Variants in PPP2R2B observed in about 807,000 individuals in gnomAD.
The protein encoded by PPP2R2B is protein phosphatase 2 regulatory subunit Bbeta.
In PPP2R2B, 5 loss-of-function variants were observed where a neutral mutation model predicts 46.0. That is an observed-to-expected ratio of 0.11 (90% confidence interval 0.06 to 0.23). The LOEUF is 0.23. Among genes scored for constraint, PPP2R2B ranks in the 10% least tolerant of loss-of-function variants. The pLI is 1.00. For missense variants in PPP2R2B, 367 were observed against 575.0 expected, an observed-to-expected ratio of 0.64 and a Z score of 3.70; for synonymous variants, 215 against 206.7, an observed-to-expected ratio of 1.04 and a Z score of -0.34.
At chr5:146,861,828 C>T (rs1761020394) in intron 2 of PPP2R2B, among the ~76,000 whole-genome samples, 1 of 148,962 alleles carries the variant, frequency 6.7e-6, no homozygotes, top group African/African-American at 2.5e-5. Context: ...GATGAAGCTA[C>T]CTTTGACTTT....
chr5:146,904,704 T>C (rs1211033956), intron 1 of PPP2R2B, among the ~76,000 whole-genome samples: 1 of 152,086 alleles, frequency 6.6e-6, no homozygotes, highest in Non-Finnish European at 1.5e-5. Flanking sequence ...AGTAGCTTCA[T>C]CTCCTTGAGA....
chr5:146,937,412 C>T (rs1184641529), intron 1 of PPP2R2B, among the ~76,000 whole-genome samples: 9 of 152,204 alleles, frequency 5.9e-5, no homozygotes, highest in East Asian at 5.8e-4. Flanking sequence ...TTATGTCACG[C>T]TACCTCCACA....
chr5:146,588,298 A>AGTT lies in PPP2R2B; in HGVS notation c.*1646_*1648dup, dbSNP rs1235319670. 6.6e-6 allele frequency: 1 copy of AGTT among 152,236 alleles called. No homozygotes were observed. The highest frequency in any genetic ancestry group is 1.5e-5 in the Non-Finnish European group (1 of 68,034). The allele number at this position is 152,236 out of a possible 1,614,324, so 9.4% of individuals were successfully genotyped here. ...CAAGACTGTTTTTACCTAAGGTGACAGTTATTTCCTTGCCAAAAAGCTATT... is the reference window on the plus strand; with the variant it reads ...CAAGACTGTTTTTACCTAAGGTGACAGTTGTTATTTCCTTGCCAAAAAGCTATT... On this transcript the variant is annotated 3_prime_UTR_variant, in exon 10 of 10. Transcript: ENST00000394411.
intron 2 of PPP2R2B, among the ~76,000 whole-genome samples, chr5:147,070,744 AC>A: frequency 6.6e-6 from 1 of 152,140 alleles, no homozygotes. Flanking sequence ...TTGTCGGACT[AC>A]CTTGAATCAC....
chr5:146,597,953 G>A lies in PPP2R2B; in HGVS notation c.960+2338C>T, dbSNP rs141272706. ...CCCCCAAGGGCTTTGCTCCTTCAGC[G>A]GTCTCTCTCTAATGGTCTCTCTCTC... On this transcript the variant is annotated intron_variant, in intron 8 of 9. Transcript: ENST00000394411. 4.9e-3 allele frequency among the ~76,000 whole-genome samples: 747 copies of A among 152,212 alleles called. 6 individuals are homozygous for A. The highest frequency in any genetic ancestry group is 0.017 in the African/African-American group (701 of 41,526).
At chr5:146,720,176 G>A (rs1303146807) in intron 2 of PPP2R2B, among the ~76,000 whole-genome samples, 1 of 152,146 alleles carries the variant, frequency 6.6e-6, no homozygotes, top group African/African-American at 2.4e-5. Context: ...ATGCAAGGTA[G>A]CAACACCTTT....
chr5:146,880,754 G>A (rs1762140347), upstream of PPP2R2B, among the ~76,000 whole-genome samples: 1 of 152,166 alleles, frequency 6.6e-6, no homozygotes, highest in Non-Finnish European at 1.5e-5. Flanking sequence ...CCCTTCCACA[G>A]ATCGAGTCTC....
At chr5:146,765,654 T>C (rs1754432383) in intron 2 of PPP2R2B, among the ~76,000 whole-genome samples, 1 of 152,256 alleles carries the variant, frequency 6.6e-6, no homozygotes, top group African/African-American at 2.4e-5. Flanking sequence ...CAAATACTTT[T>C]ATCCAGATTC....
At chr5:146,929,371 C>T (rs1377418021) in intron 1 of PPP2R2B, among the ~76,000 whole-genome samples, 1 of 152,114 alleles carries the variant, frequency 6.6e-6, no homozygotes, top group Admixed American at 6.6e-5. Context: ...CAAAAAACAT[C>T]TGTTGAACGA....
chr5:146,809,067 C>T (rs1480845515), intron 2 of PPP2R2B, among the ~76,000 whole-genome samples: 1 of 151,800 alleles, frequency 6.6e-6, no homozygotes, highest in African/African-American at 2.4e-5. Flanking sequence ...AAAAGACATA[C>T]CAAGGACTTG....
chr5:146,863,039 T>G (rs78324391), intron 2 of PPP2R2B, among the ~76,000 whole-genome samples: 417 of 152,050 alleles, frequency 2.7e-3, no homozygotes, highest in African/African-American at 9.7e-3. Flanking sequence ...TTTGCTTTTT[T>G]TTTTTTCCAC....
chr5:146,728,885 G>T (rs146219052), intron 2 of PPP2R2B, among the ~76,000 whole-genome samples: 2,427 of 152,218 alleles, frequency 0.016, 24 homozygotes, highest in Non-Finnish European at 0.025. Flanking sequence ...TTTATTTCCA[G>T]TCTCAGGTAT....
chr5:146,676,466 T>C (rs1777723149), intron 5 of PPP2R2B, among the ~76,000 whole-genome samples: 1 of 152,166 alleles, frequency 6.6e-6, no homozygotes, highest in Non-Finnish European at 1.5e-5. Flanking sequence ...ACCTCCTACC[T>C]GATGGGCTTT....
intron 7 of PPP2R2B, among the ~76,000 whole-genome samples, chr5:146,631,622 T>G (rs1774428937): frequency 6.6e-6 from 1 of 152,176 alleles, no homozygotes; most frequent in African/African-American, 2.4e-5. Flanking sequence ...CAAGACTGGC[T>G]TTTGAATAGG....
At chr5:147,010,639 G>A (rs1475686844) in intron 1 of PPP2R2B, among the ~76,000 whole-genome samples, 1 of 152,154 alleles carries the variant, frequency 6.6e-6, no homozygotes. Flanking sequence ...TAATGCAAGT[G>A]ATGGGGTACA....
At chr5:146,965,333 TC>T (rs1289102763) in intron 1 of PPP2R2B, among the ~76,000 whole-genome samples, 2 of 152,202 alleles carry the variant, frequency 1.3e-5, no homozygotes, top group East Asian at 3.8e-4. Flanking sequence ...TAGAAGGTAT[TC>T]CCCAGAATCA....
At chr5:146,735,361 C>A (rs1221357223) in intron 2 of PPP2R2B, among the ~76,000 whole-genome samples, 1 of 152,002 alleles carries the variant, frequency 6.6e-6, no homozygotes, top group African/African-American at 2.4e-5. Context: ...TTCTCCCACC[C>A]CTTGCAAACA....
chr5:147,049,488 T>C lies in PPP2R2B; in HGVS notation c.79+6177A>G, dbSNP rs780095019. On this transcript the variant is annotated intron_variant, in intron 1 of 8. Coordinates refer to the PPP2R2B transcript ENST00000336640. ...ACAAGTCTGCATTTTAGGTGAGAGA[T>C]TGGAGTTGGATATAGAAATTAAATC... is the stretch of plus-strand genomic sequence containing the variant. Among the ~76,000 whole-genome samples, 43 of 152,026 alleles carry C rather than the reference T, an allele frequency of 2.8e-4. No individual in the cohort carries two copies. The Middle Eastern group carries it at 0.01, about 36-fold the overall frequency.
At chr5:146,794,488 C>A (rs200253613) in intron 2 of PPP2R2B, among the ~76,000 whole-genome samples, 1 of 152,206 alleles carries the variant, frequency 6.6e-6, no homozygotes, top group Non-Finnish European at 1.5e-5. Context: ...ACTGTACTTA[C>A]AATAAACTGC....
Sources: gnomAD v4.1 joint callset for allele counts (sites outside exome capture counted in the v4.1 genomes callset) on GRCh38, gnomAD v4.1.1 for gene constraint, MANE v1.5 for transcripts, NCBI Gene and HGNC (gene_info 2026-07-23, HGNC 2026-07-21) for gene names.